DPP6: variants seen among roughly 807,000 people sequenced by gnomAD.
DPP6 encodes dipeptidyl peptidase like 6, also known as A-type potassium channel modulatory protein DPP6.
DPP6 carries 69 observed loss-of-function variants against 122.6 expected under a neutral mutation model. The observed-to-expected ratio is 0.56, with a 90% confidence interval of 0.46 to 0.69. DPP6 has a LOEUF of 0.69. Ranked by LOEUF, DPP6 falls within the 30% of genes least tolerant of loss-of-function variation. DPP6 has a pLI of 0.00. For missense variants in DPP6, 928 were observed against 1,116.9 expected (o/e 0.83, Z 2.41); for synonymous variants, 418 against 433.1 (o/e 0.97, Z 0.43).
intron 1 of DPP6, among the ~76,000 whole-genome samples, chr7:154,280,761 G>A (rs919800272): frequency 1.3e-5 from 2 of 152,138 alleles, no homozygotes; most frequent in Non-Finnish European, 1.5e-5. Flanking sequence ...ATAACGCAGT[G>A]TAAGAATCAA....
At chr7:154,637,576 C>T (rs543920224) in intron 5 of DPP6, among the ~76,000 whole-genome samples, 2 of 152,352 alleles carry the variant, frequency 1.3e-5, no homozygotes, top group South Asian at 2.1e-4. Context: ...TTTAATCACA[C>T]ACCAGGTAGC....
intron 1 of DPP6, among the ~76,000 whole-genome samples, chr7:154,319,188 TTATC>T (rs1271993302): frequency 6.6e-6 from 1 of 152,226 alleles, no homozygotes; most frequent in East Asian, 1.9e-4. Flanking sequence ...TACCTAATGA[TTATC>T]TATTTCATGT....
intron 1 of DPP6, among the ~76,000 whole-genome samples, chr7:154,090,934 C>G (rs1212998065): frequency 6.7e-6 from 1 of 149,070 alleles, no homozygotes; most frequent in Non-Finnish European, 1.5e-5. Context: ...TCCTGGCTAA[C>G]ACAGTGAAAC....
At chr7:154,691,648 T>C (rs1158519986) in intron 7 of DPP6, among the ~76,000 whole-genome samples, 1 of 151,856 alleles carries the variant, frequency 6.6e-6, no homozygotes, top group Non-Finnish European at 1.5e-5. Flanking sequence ...TGAAACCCCG[T>C]CTCTACTAAA....
intron 1 of DPP6, among the ~76,000 whole-genome samples, chr7:154,256,280 C>T (rs1436622958): frequency 6.6e-6 from 1 of 152,150 alleles, no homozygotes; most frequent in Non-Finnish European, 1.5e-5. Context: ...TCATAAACTA[C>T]AGTGTGCAAA....
intron 5 of DPP6, among the ~76,000 whole-genome samples, chr7:154,581,802 T>C (rs1297640442): frequency 3.3e-5 from 5 of 152,196 alleles, no homozygotes; most frequent in Non-Finnish European, 5.9e-5. Flanking sequence ...TGCGCGGCCA[T>C]CAGCAGCATC....
At chr7:154,870,176 G>C (rs1563304444) in intron 18 of DPP6, among the ~76,000 whole-genome samples, 1 of 142,632 alleles carries the variant, frequency 7.0e-6, no homozygotes, top group Non-Finnish European at 1.5e-5. Flanking sequence ...GTAGAGACAG[G>C]GTCTCACTAT....
chr7:153,916,643 A>C (rs1328877128), intron 1 of DPP6, among the ~76,000 whole-genome samples: 2 of 146,968 alleles, frequency 1.4e-5, no homozygotes, highest in African/African-American at 5.0e-5. Flanking sequence ...TCCTGACCTC[A>C]TGATCTGCCC....
At chr7:154,247,664 C>T (rs1359260058) in intron 1 of DPP6, among the ~76,000 whole-genome samples, 1 of 152,104 alleles carries the variant, frequency 6.6e-6, no homozygotes, top group African/African-American at 2.4e-5. Context: ...GAGAGCTCTA[C>T]AACAAGTACA....
At chr7:154,263,851 C>T (rs1357051824) in intron 1 of DPP6, among the ~76,000 whole-genome samples, 9 of 152,036 alleles carry the variant, frequency 5.9e-5, no homozygotes, top group East Asian at 1.9e-4. Context: ...CTACCACACA[C>T]GGCTAATTTT....
intron 5 of DPP6, among the ~76,000 whole-genome samples, chr7:154,617,322 T>C (rs1176361497): frequency 6.6e-6 from 1 of 152,250 alleles, no homozygotes; most frequent in East Asian, 1.9e-4. Flanking sequence ...AAATGTATTG[T>C]TGGCAATTGT....
At chr7:154,622,909 G>C (rs1375035470) in intron 5 of DPP6, among the ~76,000 whole-genome samples, 1 of 152,202 alleles carries the variant, frequency 6.6e-6, no homozygotes, top group Non-Finnish European at 1.5e-5. Context: ...GAAGGGATTT[G>C]TTACAAGGGA....
chr7:154,390,554 G>C (rs1489772934), intron 1 of DPP6, among the ~76,000 whole-genome samples: 1 of 152,184 alleles, frequency 6.6e-6, no homozygotes, highest in African/African-American at 2.4e-5. Context: ...TCTGTAAATT[G>C]TAAAACTGTA....
chr7:153,814,810 A>G, the DPP6 span, among the ~76,000 whole-genome samples: 1 of 151,874 alleles, frequency 6.6e-6, no homozygotes, highest in Non-Finnish European at 1.5e-5. Flanking sequence ...CAATATACGC[A>G]AATCAATAAA....
chr7:154,316,228 C>T (rs946195283), intron 1 of DPP6, among the ~76,000 whole-genome samples: 1 of 152,178 alleles, frequency 6.6e-6, no homozygotes, highest in Admixed American at 6.5e-5. Flanking sequence ...CCCAACACTC[C>T]ACCCTCACCT....
chr7:154,276,277 C>T (rs1237636908), intron 1 of DPP6, among the ~76,000 whole-genome samples: 1 of 152,184 alleles, frequency 6.6e-6, no homozygotes, highest in Non-Finnish European at 1.5e-5. Context: ...AAGGTCACCC[C>T]AGTAAAAGTG....
intron 1 of DPP6, among the ~76,000 whole-genome samples, chr7:154,359,125 G>C (rs1168687981): frequency 6.6e-6 from 1 of 152,224 alleles, no homozygotes; most frequent in African/African-American, 2.4e-5. Context: ...AGACAGCATA[G>C]AAGGACAGAA....
chr7:154,892,279 C>T (rs1175192825), intron 25 of DPP6, 55 bp from the exon 26 acceptor site: 5 of 1,611,852 alleles, frequency 3.1e-6, no homozygotes, highest in Non-Finnish European at 2.5e-6. Flanking sequence ...TGTGCGTTCC[C>T]GTCCCCTGGG....
chr7:153,756,070 A>T, the DPP6 span, among the ~76,000 whole-genome samples: 2 of 151,728 alleles, frequency 1.3e-5, no homozygotes, highest in African/African-American at 2.4e-5. Context: ...TAAGAAGGGA[A>T]TTTTTTTTTA....
Sources: allele counts gnomAD v4.1 joint callset (sites outside exome capture counted in the v4.1 genomes callset), GRCh38; gene constraint gnomAD v4.1.1; transcripts MANE v1.5; gene names NCBI Gene and HGNC (gene_info 2026-07-23, HGNC 2026-07-21).